HPSE2: variants seen among roughly 807,000 people sequenced by gnomAD.
HPSE2 encodes inactive heparanase-2.
In HPSE2, 38 loss-of-function variants were observed where a neutral mutation model predicts 60.5. The ratio of observed to expected loss-of-function variants is 0.63; its 90% CI spans 0.48 to 0.82. The LOEUF is 0.82. Ranked by LOEUF, HPSE2 falls within the 40% of genes least tolerant of loss-of-function variation. HPSE2 has a pLI of 0.00. For missense variants in HPSE2, 713 were observed against 740.4 expected, an observed-to-expected ratio of 0.96 and a Z score of 0.43; for synonymous variants, 295 against 293.2, an observed-to-expected ratio of 1.01 and a Z score of -0.06.
chr10:99,041,807 T>C (rs1170308090), intron 3 of HPSE2, among the ~76,000 whole-genome samples: 2 of 152,046 alleles, frequency 1.3e-5, no homozygotes, highest in African/African-American at 4.8e-5. Flanking sequence ...CTCACAGAGA[T>C]AACCGACAGG....
In HPSE2 at chr10:98,883,714, G is replaced by C. The variant is rs991418526; in HGVS notation, c.611-139658C>G. On this transcript the variant is annotated intron_variant, in intron 3 of 11. Coordinates refer to ENST00000370552, the MANE Select transcript of HPSE2 (RefSeq NM_021828.5). Reference sequence around the variant, plus strand: ...AGCTAGTCGGGAGGCTGAGGCTGGAGGATTGCTTGAGCCTAGGAGTTCAAG... The same window carrying C: ...AGCTAGTCGGGAGGCTGAGGCTGGACGATTGCTTGAGCCTAGGAGTTCAAG... Among the ~76,000 whole-genome samples the C allele has an allele frequency of 2.6e-5, 4 of 152,186 alleles. No homozygotes were observed. In the East Asian group the frequency reaches 7.7e-4, roughly 29 times the overall value.
At position 99,235,538 on chromosome 10, in the gene HPSE2, G is replaced by A; in HGVS notation, c.265C>T (p.His89Tyr). The change falls in exon 1 of 12, where the codon CAT becomes TAT. Residue 89 changes from histidine (H) to tyrosine (Y), a missense_variant. By Grantham distance (83) the His-to-Tyr change is moderately conservative. Transcript: ENST00000370552. ...LSLQLDPSIIHDGWLDFLSSK... is the reference protein window; with the variant it reads ...LSLQLDPSIIYDGWLDFLSSK... ...CTTAGGAAATCGAGCCAGCCATCAT[G>A]AATGATGGACGGATCCAGCTGCAGA... is the stretch of plus-strand genomic sequence containing the variant. 1 of 1,614,114 alleles carries A rather than the reference G, an allele frequency of 6.2e-7. No homozygotes were observed.
At position 98,561,792 on chromosome 10, in the gene HPSE2, G is replaced by A. The variant is rs745741114; in HGVS notation, c.1320+53112C>T. ...GAACCCAGGAGGCGGAGTTTGCAGC[G>A]AGCTGAGATCGTGCCACTGCACTGT... is the stretch of plus-strand genomic sequence containing the variant. On this transcript the variant is annotated intron_variant, in intron 9 of 11. Transcript: ENST00000370552. 1.1e-4 allele frequency among the ~76,000 whole-genome samples: 16 copies of A among 152,216 alleles called. 1 individual carries two copies. Among genetic ancestry groups the A allele is most frequent in the Admixed American group, 3.3e-4 (5 of 15,284 alleles).
chr10:98,465,245 T>C (rs1940476044), intron 11 of HPSE2, among the ~76,000 whole-genome samples: 2 of 152,262 alleles, frequency 1.3e-5, no homozygotes, highest in Admixed American at 1.3e-4. Context: ...TCACCAATTA[T>C]GCAGCACTAT....
the HPSE2 span, among the ~76,000 whole-genome samples, chr10:99,285,060 AT>A: frequency 6.6e-6 from 1 of 152,104 alleles, no homozygotes; most frequent in African/African-American, 2.4e-5. Context: ...TTCAACTTTT[AT>A]TTTAGAATCA....
chr10:98,876,538 C>A (rs1190795735), intron 3 of HPSE2, among the ~76,000 whole-genome samples: 1 of 151,914 alleles, frequency 6.6e-6, no homozygotes, highest in African/African-American at 2.4e-5. Context: ...CCAATAGAAT[C>A]TTCTTGGCTA....
chr10:98,634,443 G>A (rs1946443884), intron 7 of HPSE2, among the ~76,000 whole-genome samples: 1 of 152,174 alleles, frequency 6.6e-6, no homozygotes, highest in Non-Finnish European at 1.5e-5. Context: ...CATTAGAGAA[G>A]ACTAATATTA....
intron 3 of HPSE2, among the ~76,000 whole-genome samples, chr10:98,871,148 G>A (rs145745960): frequency 1.3e-5 from 2 of 151,910 alleles, no homozygotes; most frequent in Non-Finnish European, 2.9e-5. Flanking sequence ...ACCCAGTCTC[G>A]AGTATTCCTT....
At chr10:98,839,781 A>G (rs537206822) in intron 3 of HPSE2, among the ~76,000 whole-genome samples, 55 of 152,294 alleles carry the variant, frequency 3.6e-4, no homozygotes, top group African/African-American at 1.3e-3. Context: ...ACATCTGTGG[A>G]TCCCATAAAT....
At chr10:99,136,269 G>A (rs1845647290) in intron 3 of HPSE2, among the ~76,000 whole-genome samples, 1 of 152,116 alleles carries the variant, frequency 6.6e-6, no homozygotes, top group Non-Finnish European at 1.5e-5. Flanking sequence ...CCAAAAAAAC[G>A]TTGAGGACCA....
chr10:99,231,269 G>A (rs905968324), intron 2 of HPSE2, among the ~76,000 whole-genome samples: 6 of 152,144 alleles, frequency 3.9e-5, no homozygotes, highest in African/African-American at 1.4e-4. Flanking sequence ...GATTTGTAAG[G>A]ACAAGATATA....
chr10:98,620,163 A>G (rs890948469), intron 8 of HPSE2, among the ~76,000 whole-genome samples: 8 of 152,226 alleles, frequency 5.3e-5, no homozygotes, highest in African/African-American at 1.7e-4. Context: ...TATGATTACT[A>G]CAGCACTTAC....
At chr10:98,597,096 C>T (rs546029886) in intron 9 of HPSE2, among the ~76,000 whole-genome samples, 3 of 152,188 alleles carry the variant, frequency 2.0e-5, no homozygotes, top group African/African-American at 7.2e-5. Context: ...TGAGAACTTA[C>T]TCACTATCAT....
chr10:98,644,267 C>T (rs72831962), intron 6 of HPSE2, among the ~76,000 whole-genome samples: 1,547 of 152,184 alleles, frequency 0.01, 13 homozygotes, highest in South Asian at 0.027. Context: ...CGGGACCTGT[C>T]ATATAAAAGC....
intron 3 of HPSE2, among the ~76,000 whole-genome samples, chr10:98,905,282 G>T (rs1490061028): frequency 7.3e-5 from 11 of 151,352 alleles, no homozygotes; most frequent in Admixed American, 5.9e-4. Flanking sequence ...CTAGCATTAG[G>T]TATATCTCCC....
rs555819220 is a variant in HPSE2 at position 98,458,062 on chromosome 10, T to A, written c.*1512A>T. 1 of 152,350 alleles carries A rather than the reference T, an allele frequency of 6.6e-6. No homozygotes were observed. Among genetic ancestry groups the A allele is most frequent in the South Asian group, 2.1e-4 (1 of 4,826 alleles). 9.4% of individuals were successfully genotyped at this position (152,350 alleles called of 1,614,324 possible). A position where few individuals can be genotyped will look rare whatever the true frequency, so the allele number is the denominator to read the frequency against. Reference sequence around the variant, plus strand: ...TCAGAATTCTCTCCCTCCTCTTTGGTCTAATCTCCCTTCCATCTCTCACTT... The same window carrying A: ...TCAGAATTCTCTCCCTCCTCTTTGGACTAATCTCCCTTCCATCTCTCACTT... On this transcript the variant is annotated 3_prime_UTR_variant, in exon 12 of 12. Coordinates refer to ENST00000370552, the MANE Select transcript of HPSE2 (RefSeq NM_021828.5).
At chr10:98,771,438 T>A (rs1438285689) in intron 3 of HPSE2, among the ~76,000 whole-genome samples, 3 of 152,090 alleles carry the variant, frequency 2.0e-5, no homozygotes, top group African/African-American at 7.2e-5. Flanking sequence ...CTGCCCTGTG[T>A]TGGAAAACCT....
rs1945872058 is a variant in HPSE2 at position 98,615,151 on chromosome 10, G to T, written c.1206-133C>A. The T allele has an allele frequency of 4.4e-6, 3 of 683,430 alleles. No homozygotes were observed. The South Asian group carries it at 4.8e-5, about 11-fold the overall frequency. 42.3% of individuals were successfully genotyped at this position (683,430 alleles called of 1,614,324 possible). On this transcript the variant is annotated intron_variant, in intron 8 of 11. Coordinates refer to ENST00000370552, the MANE Select transcript of HPSE2 (RefSeq NM_021828.5). The stretch of plus-strand genomic sequence containing the variant: ...CAAATTTACCTAGTACTTTAAAAAG[G>T]GTTATTTTAAGCATTAAGTTCACAG...
chr10:98,826,824 G>A (rs1007423453), intron 3 of HPSE2, among the ~76,000 whole-genome samples: 1 of 152,256 alleles, frequency 6.6e-6, no homozygotes, highest in African/African-American at 2.4e-5. Context: ...GAAGAGAGGT[G>A]AGCCTGCTTT....
Sources: allele counts gnomAD v4.1 joint callset (sites outside exome capture counted in the v4.1 genomes callset), GRCh38; gene constraint gnomAD v4.1.1; transcripts MANE v1.5; gene names NCBI Gene and HGNC (gene_info 2026-07-23, HGNC 2026-07-21).